Variants in VAT1L observed in about 807,000 individuals in gnomAD.
The protein encoded by VAT1L is vesicle amine transport 1 like, also known as putative NADPH-dependent quinone oxidoreductase VAT1L.
In VAT1L, 34 loss-of-function variants were observed where a neutral mutation model predicts 44.1. That is an observed-to-expected ratio of 0.77 (90% CI 0.59 to 1.03). The LOEUF (loss-of-function observed/expected upper bound fraction) is 1.03. Among genes scored for constraint, VAT1L ranks in the 50% least tolerant of loss-of-function variants. The pLI, the probability that VAT1L is intolerant of heterozygous loss-of-function variation, is 0.00. For synonymous variants in VAT1L, 253 were observed against 202.2 expected, an observed-to-expected ratio of 1.25 and a Z score of -2.13; for missense variants, 615 against 538.8, an observed-to-expected ratio of 1.14 and a Z score of -1.40.
At chr16:77,945,808 TTTTC>T (rs2017954714) in intron 7 of VAT1L, among the ~76,000 whole-genome samples, 1 of 151,192 alleles carries the variant, frequency 6.6e-6, no homozygotes. Flanking sequence ...TTTTTTTTTT[TTTTC>T]TTTTTTTTGA....
intron 6 of VAT1L, among the ~76,000 whole-genome samples, chr16:77,883,592 A>G (rs1267791183): frequency 6.6e-6 from 1 of 152,116 alleles, no homozygotes; most frequent in Admixed American, 6.5e-5. Flanking sequence ...GCTTCCACCC[A>G]CTAGACGCCA....
At position 77,858,092 on chromosome 16, in the gene VAT1L, G is replaced by C. The variant is rs1429997805; in HGVS notation, c.580-4656G>C. 5.9e-5 allele frequency among the ~76,000 whole-genome samples: 9 copies of C among 152,172 alleles called. No homozygotes were observed. The East Asian group carries it at 1.7e-3, about 29-fold the overall frequency. ...AGGTTCTGCACTGGGCACAGGAGCA[G>C]AGGGCCGGTGGAGACACAGTCCCTG... On this transcript the variant is annotated intron_variant, in intron 3 of 8. Coordinates refer to ENST00000302536, the MANE Select transcript of VAT1L (RefSeq NM_020927.3).
chr16:77,814,671 A>G (rs192321948), intron 1 of VAT1L, among the ~76,000 whole-genome samples: 1 of 152,356 alleles, frequency 6.6e-6, no homozygotes, highest in East Asian at 1.9e-4. Flanking sequence ...ATGAGCTAAA[A>G]TATACATGAA....
intron 8 of VAT1L, among the ~76,000 whole-genome samples, chr16:77,973,672 C>CTTTAAAAAAAAAAGTT (rs1470359894): frequency 8.0e-6 from 1 of 124,670 alleles, no homozygotes; most frequent in Non-Finnish European, 1.8e-5. Flanking sequence ...TGCATCAGTT[C>CTTTAAAAAAAAAAGTT]TTTAAAAAAA....
In VAT1L at chr16:77,937,449, A is replaced by G. The variant is rs577385440; in HGVS notation, c.1078-34401A>G. On this transcript the variant is annotated intron_variant, in intron 7 of 8. Coordinates refer to ENST00000302536, the MANE Select transcript of VAT1L (RefSeq NM_020927.3). ...TAAGAATTAAAGAAAGAGGAGAGAA[A>G]CACGAAGGGTGGCTTGACAGTTACC... Among the ~76,000 whole-genome samples, 16 of 152,232 alleles carry G rather than the reference A, an allele frequency of 1.1e-4. No individual in the cohort carries two copies. In the East Asian group the frequency reaches 2.7e-3, roughly 26 times the overall value.
chr16:77,910,567 G>A (rs745469720), intron 7 of VAT1L, among the ~76,000 whole-genome samples: 1 of 151,512 alleles, frequency 6.6e-6, no homozygotes, highest in Non-Finnish European at 1.5e-5. Flanking sequence ...CTAGCTACTC[G>A]GGAGGCTGAG....
At position 77,879,237 on chromosome 16, in the gene VAT1L, G is replaced by A. The variant is rs750147524; in HGVS notation, c.882+13G>A. 1 of 1,613,440 alleles carries A rather than the reference G, an allele frequency of 6.2e-7. No individual in the cohort carries two copies. Among genetic ancestry groups the A allele is most frequent in the Non-Finnish European group, 8.5e-7 (1 of 1,179,384 alleles). On this transcript the variant is annotated intron_variant, in intron 6 of 8. Coordinates refer to ENST00000302536, the MANE Select transcript of VAT1L (RefSeq NM_020927.3). This position sits in a 1 kb window ranked among gnomAD's most constrained non-coding sequence, Gnocchi z 4.1. ...CTTTGCAAAATCAGTAAGTATCCAGGCACATCTGATGTACTGTGGTGGCAT... is the reference window on the plus strand; with the variant it reads ...CTTTGCAAAATCAGTAAGTATCCAGACACATCTGATGTACTGTGGTGGCAT...
At chr16:77,817,655 A>G (rs559819454) in intron 2 of VAT1L, among the ~76,000 whole-genome samples, 53 of 152,322 alleles carry the variant, frequency 3.5e-4, no homozygotes, top group African/African-American at 1.3e-3. Flanking sequence ...GGTTTATTAC[A>G]TTATGCTGAC....
At chr16:77,893,317 A>G (rs1326034158) in intron 7 of VAT1L, among the ~76,000 whole-genome samples, 1 of 152,216 alleles carries the variant, frequency 6.6e-6, no homozygotes, top group Non-Finnish European at 1.5e-5. Context: ...CATTGACAGA[A>G]AGGAAATCAG....
intron 3 of VAT1L, among the ~76,000 whole-genome samples, chr16:77,840,764 G>C (rs936839232): frequency 6.6e-6 from 1 of 152,162 alleles, no homozygotes; most frequent in African/African-American, 2.4e-5. Flanking sequence ...TTTGATGATT[G>C]TGAGACCTGG....
intron 7 of VAT1L, among the ~76,000 whole-genome samples, chr16:77,955,669 G>T (rs576670001): frequency 6.6e-6 from 1 of 150,460 alleles, no homozygotes; most frequent in African/African-American, 2.5e-5. Context: ...AGGTTGCAGT[G>T]AGCTGAGATC....
At chr16:77,939,560 C>T (rs2017851783) in intron 7 of VAT1L, among the ~76,000 whole-genome samples, 1 of 152,142 alleles carries the variant, frequency 6.6e-6, no homozygotes, top group Non-Finnish European at 1.5e-5. Context: ...AACTCCAAAG[C>T]TCTCTCCCTA....
chr16:77,808,030 CCCTGGGCCACAGA>C (rs570276764), intron 1 of VAT1L, among the ~76,000 whole-genome samples: 1 of 151,970 alleles, frequency 6.6e-6, no homozygotes, highest in East Asian at 2.0e-4. Flanking sequence ...GAACAGGGCT[CCCTGGGCCACAGA>C]CCAGTACTGG....
At chr16:77,925,512 G>C (rs919414561) in intron 7 of VAT1L, among the ~76,000 whole-genome samples, 1 of 152,090 alleles carries the variant, frequency 6.6e-6, no homozygotes, top group Non-Finnish European at 1.5e-5. Flanking sequence ...AATCAATATT[G>C]CTTTTCTCTG....
intron 7 of VAT1L, among the ~76,000 whole-genome samples, chr16:77,918,701 G>A (rs538105276): frequency 2.0e-5 from 3 of 152,250 alleles, no homozygotes; most frequent in African/African-American, 7.2e-5. Context: ...GTTTAATATG[G>A]AAAGGCAATG....
chr16:77,875,474 G>A (rs1028093690), intron 4 of VAT1L, among the ~76,000 whole-genome samples: 1 of 152,218 alleles, frequency 6.6e-6, no homozygotes, highest in Non-Finnish European at 1.5e-5. Flanking sequence ...GGATCTGCCA[G>A]AATAGGGATC....
chr16:77,949,795 T>C (rs2018017978), intron 7 of VAT1L, among the ~76,000 whole-genome samples: 1 of 152,182 alleles, frequency 6.6e-6, no homozygotes, highest in African/African-American at 2.4e-5. Flanking sequence ...TTACCCAGCT[T>C]CAGGTATTCT....
chr16:77,944,189 C>T (rs117659902), intron 7 of VAT1L, among the ~76,000 whole-genome samples: 2,306 of 152,142 alleles, frequency 0.015, 26 homozygotes, highest in Non-Finnish European at 0.023. Context: ...CCCCCTGCAA[C>T]GAAGAATTAT....
At chr16:77,927,664 T>G (rs535752553) in intron 7 of VAT1L, among the ~76,000 whole-genome samples, 34 of 152,030 alleles carry the variant, frequency 2.2e-4, no homozygotes, top group South Asian at 1.5e-3. Flanking sequence ...GATCATGAGG[T>G]CAGGAGTTCG....
Sources: allele counts gnomAD v4.1 joint callset (sites outside exome capture counted in the v4.1 genomes callset), GRCh38; gene constraint gnomAD v4.1.1; non-coding constraint Gnocchi (gnomAD v3.1); transcripts MANE v1.5; gene names NCBI Gene and HGNC (gene_info 2026-07-23, HGNC 2026-07-21).